The following GPHN variants were observed in gnomAD, a reference collection of about 807,000 sequenced individuals.
GPHN encodes gephyrin.
In GPHN, 17 loss-of-function variants were observed where a neutral mutation model predicts 95.5. The observed-to-expected ratio is 0.18, with a 90% CI of 0.12 to 0.27. The LOEUF (loss-of-function observed/expected upper bound fraction) is 0.27. Ranked by LOEUF, GPHN falls within the 10% of genes least tolerant of loss-of-function variation. The probability of loss-of-function intolerance (pLI) is 1.00; values close to 1 mark genes in which losing one functional copy is unlikely to be tolerated. For missense variants in GPHN, 660 were observed against 978.1 expected (o/e 0.67, Z 4.34); for synonymous variants, 320 against 322.5 (o/e 0.99, Z 0.08).
At chr14:66,508,683 G>T (rs932728736) in intron 1 of GPHN, 92 bp downstream of exon 1, 21 of 1,139,588 alleles carry the variant, frequency 1.8e-5, no homozygotes, top group Non-Finnish European at 2.7e-5. Context: ...CTGCGGCCTC[G>T]GGAGGAGGGA....
chr14:67,621,286 T>C, the GPHN span, among the ~76,000 whole-genome samples: 1 of 152,218 alleles, frequency 6.6e-6, no homozygotes, highest in Non-Finnish European at 1.5e-5. Context: ...TCCATTTTCC[T>C]AACTCCATCT....
intron 1 of GPHN, among the ~76,000 whole-genome samples, chr14:66,597,793 A>T (rs2140784845): frequency 6.6e-6 from 1 of 152,312 alleles, no homozygotes; most frequent in Non-Finnish European, 1.5e-5. Context: ...GCATCATGGC[A>T]GTGGCCACTC....
At chr14:67,359,195 A>T in the GPHN span, among the ~76,000 whole-genome samples, 1 of 152,230 alleles carries the variant, frequency 6.6e-6, no homozygotes, top group African/African-American at 2.4e-5. Context: ...TTCCATCCCC[A>T]CTTTGGCTTA....
chr14:66,819,320 C>T (rs1337006524), intron 3 of GPHN, among the ~76,000 whole-genome samples: 1 of 152,136 alleles, frequency 6.6e-6, no homozygotes, highest in East Asian at 1.9e-4. Flanking sequence ...AGCCAGTTCT[C>T]CCAGCACCTT....
chr14:67,020,135 C>G (rs1487860216), intron 9 of GPHN, among the ~76,000 whole-genome samples: 1 of 152,156 alleles, frequency 6.6e-6, no homozygotes, highest in Non-Finnish European at 1.5e-5. Flanking sequence ...GGCCATCTCT[C>G]TCTTTTTGGT....
chr14:66,948,634 A>C (rs1310429815), intron 8 of GPHN, among the ~76,000 whole-genome samples: 1 of 152,188 alleles, frequency 6.6e-6, no homozygotes, highest in Non-Finnish European at 1.5e-5. Flanking sequence ...TTTTTAGGCT[A>C]GGCCATTTCA....
chr14:67,349,312 C>G, the GPHN span, among the ~76,000 whole-genome samples: 2 of 152,202 alleles, frequency 1.3e-5, no homozygotes, highest in Non-Finnish European at 2.9e-5. Context: ...ATATTCAAAA[C>G]ATTAGCAGTA....
At chr14:67,657,993 C>T in the GPHN span, among the ~76,000 whole-genome samples, 1,501 of 152,144 alleles carry the variant, frequency 9.9e-3, 22 homozygotes, top group Middle Eastern at 0.014. Flanking sequence ...AGGTGATCCA[C>T]CAGCCTCAGC....
intron 1 of GPHN, chr14:66,509,515 T>C (rs1440725448): frequency 2.0e-5 from 3 of 152,318 alleles, no homozygotes; most frequent in African/African-American, 7.2e-5. Context: ...ACTTCGGCGA[T>C]CGGCAGTTGC....
At chr14:67,290,220 C>T in the GPHN span, among the ~76,000 whole-genome samples, 21 of 151,750 alleles carry the variant, frequency 1.4e-4, no homozygotes, top group African/African-American at 3.6e-4. Flanking sequence ...TGGGAGGTAA[C>T]GAAAAAAGTG....
At chr14:67,176,437 G>A (rs548493974) in intron 21 of GPHN, among the ~76,000 whole-genome samples, 9 of 152,142 alleles carry the variant, frequency 5.9e-5, no homozygotes, top group South Asian at 2.1e-4. Flanking sequence ...CCACTTGATC[G>A]TGGTGGATAA....
chr14:67,026,841 A>C (rs1381455209), intron 10 of GPHN, among the ~76,000 whole-genome samples: 2 of 152,144 alleles, frequency 1.3e-5, no homozygotes, highest in South Asian at 2.1e-4. Flanking sequence ...ATGGGGTTTC[A>C]CCGTGTTAGC....
At chr14:66,640,417 G>A (rs1474580991) in intron 1 of GPHN, among the ~76,000 whole-genome samples, 4 of 152,076 alleles carry the variant, frequency 2.6e-5, no homozygotes, top group Admixed American at 2.6e-4. Context: ...ATGAGACTCT[G>A]CCTCAACAAA....
At chr14:67,708,505 G>A in the GPHN span, among the ~76,000 whole-genome samples, 1 of 151,998 alleles carries the variant, frequency 6.6e-6, no homozygotes, top group African/African-American at 2.4e-5. Context: ...GATGATGAAA[G>A]GTTTTAGGGC....
the GPHN span, among the ~76,000 whole-genome samples, chr14:67,209,177 G>T: frequency 1.3e-5 from 2 of 152,278 alleles, no homozygotes; most frequent in African/African-American, 4.8e-5. Context: ...TATGCACTAG[G>T]CATTGGGGAT....
At chr14:67,190,666 G>A in the GPHN span, among the ~76,000 whole-genome samples, 2 of 152,126 alleles carry the variant, frequency 1.3e-5, no homozygotes, top group African/African-American at 4.8e-5. Flanking sequence ...AGAACACAAG[G>A]CTTTCTCTTC....
the GPHN span, chr14:67,201,441 T>A: frequency 2.2e-6 from 1 of 455,922 alleles, no homozygotes; most frequent in Non-Finnish European, 4.4e-6. Context: ...CCAGCTCCCC[T>A]CAGGGCCTCA....
At chr14:66,875,091 G>A (rs1047733096) in intron 4 of GPHN, among the ~76,000 whole-genome samples, 2 of 152,162 alleles carry the variant, frequency 1.3e-5, no homozygotes, top group Non-Finnish European at 2.9e-5. Context: ...AAGAGAGTGG[G>A]TGGCCAATAT....
the GPHN span, among the ~76,000 whole-genome samples, chr14:67,463,948 C>T: frequency 2.0e-5 from 3 of 152,274 alleles, no homozygotes; most frequent in Non-Finnish European, 2.9e-5. Context: ...TCCAATACTG[C>T]CAACAACCTT....
Sources: gnomAD v4.1 joint callset for allele counts (sites outside exome capture counted in the v4.1 genomes callset) on GRCh38, gnomAD v4.1.1 for gene constraint, MANE v1.5 for transcripts, NCBI Gene and HGNC (gene_info 2026-07-23, HGNC 2026-07-21) for gene names.